Variants in EGFL6 observed in about 807,000 individuals in gnomAD.
EGFL6 encodes the protein EGF like domain multiple 6.
In EGFL6, 42 loss-of-function variants were observed where a neutral mutation model predicts 43.1. The ratio of observed to expected loss-of-function variants is 0.98; its 90% CI spans 0.76 to 1.26. The LOEUF (loss-of-function observed/expected upper bound fraction) is 1.26. EGFL6 is among the 50% of genes most tolerant of loss of function. EGFL6 has a pLI of 0.00. For missense variants in EGFL6, 429 were observed against 427.8 expected, an observed-to-expected ratio of 1.00 and a Z score of -0.02; for synonymous variants, 164 against 163.2, an observed-to-expected ratio of 1.01 and a Z score of -0.04.
At chrX:13,590,538 C>T (rs916289935) in intron 2 of EGFL6, among the ~76,000 whole-genome samples, 1 of 111,710 alleles carries the variant, frequency 9.0e-6, no homozygotes, top group Non-Finnish European at 1.9e-5. Flanking sequence ...AGTTGCAGGT[C>T]CCATAAAAGC....
chrX:13,571,843 A>G (rs2045444752), intron 1 of EGFL6, among the ~76,000 whole-genome samples: 1 of 111,830 alleles, frequency 8.9e-6, no homozygotes, highest in Non-Finnish European at 1.9e-5. Context: ...ATTCCACATT[A>G]TGGATAAGAC....
chrX:13,621,889 T>A (rs2045750595), intron 9 of EGFL6, among the ~76,000 whole-genome samples: 1 of 112,778 alleles, frequency 8.9e-6, no homozygotes, highest in East Asian at 2.8e-4. Flanking sequence ...AGAATGTGCC[T>A]GTGAGACCAA....
At chrX:13,599,436 A>T (rs1333600487) in intron 3 of EGFL6, among the ~76,000 whole-genome samples, 1 of 111,067 alleles carries the variant, frequency 9.0e-6, no homozygotes, top group Non-Finnish European at 1.9e-5. Flanking sequence ...CTGTATATAA[A>T]TGGACTCATA....
chrX:13,595,282 A>G (rs1232911965), intron 3 of EGFL6, among the ~76,000 whole-genome samples: 1 of 111,912 alleles, frequency 8.9e-6, no homozygotes, highest in African/African-American at 3.2e-5. Context: ...CTACCTATGT[A>G]TTATAAGTAT....
intron 6 of EGFL6, among the ~76,000 whole-genome samples, chrX:13,606,841 C>T (rs901280311): frequency 3.6e-5 from 4 of 111,950 alleles, no homozygotes; most frequent in Non-Finnish European, 5.6e-5. Flanking sequence ...AGTTACACAT[C>T]TAAAAATCAG....
At position 13,569,615 on chromosome X, in the gene EGFL6, G is replaced by C; in HGVS notation, c.-247G>C. ...CGCCCTCCCTCGCTCACCCCGTCCA[G>C]CTTCATCCGCAGAGGAGCCTCGGCC... On this transcript the variant is annotated 5_prime_UTR_variant, in exon 1 of 12. Transcript: ENST00000361306. The C allele has an allele frequency of 7.3e-6, 2 of 274,467 alleles. No individual in the cohort carries two copies. Among genetic ancestry groups the C allele is most frequent in the Non-Finnish European group, 1.3e-5 (2 of 152,888 alleles). 22.6% of individuals were successfully genotyped at this position (274,467 alleles called of 1,213,427 possible).
intron 4 of EGFL6, among the ~76,000 whole-genome samples, chrX:13,602,469 A>G (rs1267228916): frequency 8.9e-6 from 1 of 112,324 alleles, no homozygotes; most frequent in African/African-American, 3.2e-5. Context: ...GAGCAGCTCA[A>G]GAAGAAGTCC....
At chrX:13,574,730 CAAA>C in intron 1 of EGFL6, 2 of 74,346 alleles carry the variant, frequency 2.7e-5, no homozygotes, top group African/African-American at 4.8e-5. Context: ...GCAAAAAAGA[CAAA>C]AAAAAAAAAA....
At chrX:13,624,749 T>C (rs2045769284) in intron 10 of EGFL6, among the ~76,000 whole-genome samples, 1 of 111,956 alleles carries the variant, frequency 8.9e-6, no homozygotes, top group Admixed American at 9.5e-5. Flanking sequence ...ATCTTTCTTT[T>C]AGATCCTTCC....
At chrX:13,594,576 C>A (rs2045586050) in intron 2 of EGFL6, among the ~76,000 whole-genome samples, 1 of 111,884 alleles carries the variant, frequency 8.9e-6, no homozygotes, top group African/African-American at 3.3e-5. Flanking sequence ...ACTCTGGAGT[C>A]TCTTCCAGTT....
intron 2 of EGFL6, among the ~76,000 whole-genome samples, chrX:13,592,320 T>C (rs1286862687): frequency 3.6e-5 from 4 of 112,095 alleles, no homozygotes; most frequent in African/African-American, 1.3e-4. Flanking sequence ...TTCTCTCTCT[T>C]TTGTCTCTAA....
chrX:13,584,865 CTT>C (rs922904714), intron 1 of EGFL6, among the ~76,000 whole-genome samples: 9 of 111,601 alleles, frequency 8.1e-5, no homozygotes, highest in African/African-American at 2.9e-4. Flanking sequence ...ATTACCAAAT[CTT>C]TTGGTCCCAC....
intron 2 of EGFL6, among the ~76,000 whole-genome samples, chrX:13,591,395 A>G (rs1194448315): frequency 9.0e-6 from 1 of 111,636 alleles, no homozygotes; most frequent in Non-Finnish European, 1.9e-5. Context: ...AGGGGGTTCA[A>G]GCAAAATGCT....
intron 7 of EGFL6, among the ~76,000 whole-genome samples, chrX:13,612,356 G>T (rs2045694167): frequency 9.3e-6 from 1 of 108,055 alleles, no homozygotes. Context: ...GAGAGCACGG[G>T]GTTGGGGGTA....
In EGFL6 at chrX:13,617,980, T is replaced by C. The variant is rs754466840; in HGVS notation, c.1029T>C (p.Leu343=). 8.3e-7 allele frequency: 1 copy of C among 1,211,068 alleles called. No homozygotes were observed. Among genetic ancestry groups the C allele is most frequent in the Admixed American group, 2.2e-5 (1 of 45,975 alleles). ...ATGAAGAGAAAATGAAAGAGGGGCT[T>C]GAGGATGAGAAAAGAGAAGAGAAAG... The part of the protein sequence containing the change: ...KGNEEKMKEG[L]EDEKREEKAL... The change falls in exon 8 of 12, where the codon CTT becomes CTC. Residue 343 remains leucine, a synonymous_variant. Coordinates refer to ENST00000361306, the MANE Select transcript of EGFL6 (RefSeq NM_015507.4).
Position 13,569,866 on chromosome X carries a change from C to G in EGFL6, c.5C>G (p.Pro2Arg), listed in dbSNP as rs771303027. The G allele has an allele frequency of 1.7e-6, 2 of 1,212,077 alleles. No individual in the cohort carries two copies. The highest frequency in any genetic ancestry group is 3.5e-5 in the South Asian group (2 of 57,050). Residue 2 changes from proline (P) to arginine (R), a missense_variant, in exon 1 of 12, where the codon CCT becomes CGT. Pro to Arg is a moderately radical substitution (Grantham distance 103). Coordinates refer to ENST00000361306, the MANE Select transcript of EGFL6 (RefSeq NM_015507.4). The part of the protein sequence containing the change: M[P>R]LPWSLALPLL... ...GGAAGGAGGACCCGTGCGAGAATGCCTCTGCCCTGGAGCCTTGCGCTCCCG... is the reference window on the plus strand; with the variant it reads ...GGAAGGAGGACCCGTGCGAGAATGCGTCTGCCCTGGAGCCTTGCGCTCCCG...
At chrX:13,583,784 C>T (rs949913903) in intron 1 of EGFL6, among the ~76,000 whole-genome samples, 3 of 111,769 alleles carry the variant, frequency 2.7e-5, no homozygotes, top group Non-Finnish European at 5.6e-5. Context: ...GCCTCGCAGA[C>T]ATCCAACTGC....
At chrX:13,629,213 G>A (rs2045798113) in intron 11 of EGFL6, among the ~76,000 whole-genome samples, 2 of 111,918 alleles carry the variant, frequency 1.8e-5, no homozygotes, top group South Asian at 3.7e-4. Flanking sequence ...TCCAATCCAC[G>A]TATTTTCTTG....
At chrX:13,601,262 A>T (rs2045632768) in intron 4 of EGFL6, among the ~76,000 whole-genome samples, 1 of 111,599 alleles carries the variant, frequency 9.0e-6, no homozygotes, top group Admixed American at 9.5e-5. Context: ...AAGATTAGTG[A>T]TACTTGTTGG....
Sources: gnomAD v4.1 joint callset for allele counts (sites outside exome capture counted in the v4.1 genomes callset) on GRCh38, gnomAD v4.1.1 for gene constraint, MANE v1.5 for transcripts, NCBI Gene and HGNC (gene_info 2026-07-23, HGNC 2026-07-21) for gene names.